The following COL6A3 variants were observed in gnomAD, a reference collection of about 807,000 sequenced individuals.
COL6A3 encodes the protein collagen type VI alpha 3 chain, also known as collagen alpha-3(VI) chain.
A neutral mutation model predicts 274.1 loss-of-function variants in COL6A3; 137 were observed. The ratio of observed to expected loss-of-function variants is 0.50; its 90% CI spans 0.44 to 0.58. The LOEUF (loss-of-function observed/expected upper bound fraction) is 0.58, where lower values mean the gene tolerates loss of function less well. Ranked by LOEUF, COL6A3 falls within the 20% of genes least tolerant of loss-of-function variation. The probability of loss-of-function intolerance (pLI) is 0.00; values close to 1 mark genes in which losing one functional copy is unlikely to be tolerated. For missense variants in COL6A3, 3,950 were observed against 4,124.9 expected, an observed-to-expected ratio of 0.96 and a Z score of 1.16; for synonymous variants, 1,650 against 1,650.6, an observed-to-expected ratio of 1.00 and a Z score of 0.01.
intron 4 of COL6A3, among the ~76,000 whole-genome samples, chr2:237,384,670 C>T (rs2078100352): frequency 6.6e-6 from 1 of 152,132 alleles, no homozygotes. Context: ...GAATGACTGT[C>T]TCATGGCTGT....
intron 1 of COL6A3, among the ~76,000 whole-genome samples, chr2:237,409,778 T>C (rs906854500): frequency 6.6e-6 from 1 of 152,206 alleles, no homozygotes; most frequent in Non-Finnish European, 1.5e-5. Context: ...ACCCTTACAG[T>C]TCTAAAATCC....
intron 24 of COL6A3, among the ~76,000 whole-genome samples, chr2:237,354,127 T>C (rs573949886): frequency 2.0e-5 from 3 of 151,806 alleles, no homozygotes; most frequent in East Asian, 1.9e-4. Context: ...TTCTCTTGCC[T>C]CAGGCTCCTG....
chr2:237,392,646 T>C (rs1251698175), intron 3 of COL6A3, among the ~76,000 whole-genome samples: 1 of 152,260 alleles, frequency 6.6e-6, no homozygotes, highest in Non-Finnish European at 1.5e-5. Context: ...TGCCCACTCA[T>C]TCTTTTTTGA....
At chr2:237,355,273 TGAAAAGGGA>T (rs2077294139) in intron 23 of COL6A3, 2 of 293,994 alleles carry the variant, frequency 6.8e-6, no homozygotes, top group African/African-American at 4.3e-5. Flanking sequence ...ATGAGGAATG[TGAAAAGGGA>T]ATGTCAACCT....
chr2:237,383,088 C>A (rs937136935), intron 4 of COL6A3, among the ~76,000 whole-genome samples: 2 of 152,174 alleles, frequency 1.3e-5, no homozygotes, highest in Admixed American at 1.3e-4. Flanking sequence ...GGTGAGCCAC[C>A]ACATCCAGCC....
At chr2:237,373,202 T>G (rs1010901852) in intron 8 of COL6A3, among the ~76,000 whole-genome samples, 1 of 152,008 alleles carries the variant, frequency 6.6e-6, no homozygotes, top group African/African-American at 2.4e-5. Context: ...GAAATGTACG[T>G]TCCTGACAAC....
intron 1 of COL6A3, among the ~76,000 whole-genome samples, chr2:237,399,554 G>A (rs2078537761): frequency 6.6e-6 from 1 of 152,210 alleles, no homozygotes; most frequent in Non-Finnish European, 1.5e-5. Context: ...GGCATTCCAT[G>A]AGCAACGCAG....
chr2:237,390,887 C>T (rs758958883), intron 3 of COL6A3, among the ~76,000 whole-genome samples: 1 of 152,198 alleles, frequency 6.6e-6, no homozygotes, highest in Non-Finnish European at 1.5e-5. Context: ...TTTTATATCT[C>T]AGGTATATTC....
intron 1 of COL6A3, among the ~76,000 whole-genome samples, chr2:237,410,035 A>C (rs1574785933): frequency 6.6e-6 from 1 of 152,216 alleles, no homozygotes; most frequent in Non-Finnish European, 1.5e-5. Context: ...ACGTATGTAC[A>C]CTTCCGTTAT....
In COL6A3 at chr2:237,381,446, G is replaced by T; in HGVS notation, c.1366C>A (p.Leu456Met). 6.2e-7 allele frequency: 1 copy of T among 1,610,032 alleles called. No homozygotes were observed. Among genetic ancestry groups the T allele is most frequent in the African/African-American group, 1.3e-5 (1 of 75,058 alleles). ...IVFLVDGSSALGLANFNAIRD... is the reference protein window; with the variant it reads ...IVFLVDGSSAMGLANFNAIRD... The stretch of plus-strand genomic sequence containing the variant: ...ATGGCATTGAAGTTGGCCAGTCCCA[G>T]TGCAGATGAGCCATCCACCAGGAAG... Residue 456 changes from leucine (L) to methionine (M), a missense_variant, in exon 5 of 44, where the codon CTG becomes ATG. Physicochemically the swap from Leu to Met is conservative, Grantham distance 15. Coordinates refer to ENST00000295550, the MANE Select transcript of COL6A3 (RefSeq NM_004369.4).
intron 42 of COL6A3, chr2:237,327,323 T>A (rs1699998621): frequency 6.6e-6 from 1 of 152,382 alleles, no homozygotes; most frequent in Admixed American, 6.5e-5. Context: ...TGCACTTCAG[T>A]CCTGACCATC....
Position 237,405,178 on chromosome 2 carries a change from C to A in COL6A3, c.-30-8331G>T, listed in dbSNP as rs181478037. 2.4e-3 allele frequency among the ~76,000 whole-genome samples: 371 copies of A among 152,260 alleles called. 27 individuals carry two copies. In the South Asian group the frequency reaches 0.075, roughly 31 times the overall value. On this transcript the variant is annotated intron_variant, in intron 1 of 43. Coordinates refer to ENST00000295550, the MANE Select transcript of COL6A3 (RefSeq NM_004369.4). ...ATGATTCAGAACCCATATGGTTTGA[C>A]TGAGCTGAATTCCCAGGTGGGAAAA...
chr2:237,356,828 T>A (rs2106338659), intron 23 of COL6A3: 1 of 185,814 alleles, frequency 5.4e-6, no homozygotes, highest in Non-Finnish European at 1.1e-5. Context: ...GGATTAGGCA[T>A]ACAAGGAGCT....
rs111395856 is a variant in COL6A3 at position 237,340,680 on chromosome 2, C to T, written c.8236G>A (p.Glu2746Lys). Residue 2746 changes from glutamate to lysine, a missense_variant, in exon 38 of 44, where the codon GAG becomes AAG. Around this residue, in one of 5 missense-constraint regions of COL6A3, gnomAD observed 1,284 missense variants for 1,349.7 expected, o/e 0.95. Coordinates refer to ENST00000295550, the MANE Select transcript of COL6A3 (RefSeq NM_004369.4). The part of the protein sequence containing the change: ...LKIVVLMLTG[E>K]VPEQQLEEAQ... ...TCCTCCAGCTGCTGCTCCGGCACCT[C>T]GCCCGTCAGCATCAGGACCACAATT... The T allele has an allele frequency of 1.7e-5, 27 of 1,614,094 alleles. No individual in the cohort carries two copies. Among genetic ancestry groups the T allele is most frequent in the East Asian group, 6.7e-5 (3 of 44,898 alleles).
chr2:237,358,996 A>C, intron 20 of COL6A3, 39 bp downstream of exon 20: 1 of 1,592,212 alleles, frequency 6.3e-7, no homozygotes, highest in Non-Finnish European at 8.6e-7. Flanking sequence ...AAATGTTGAT[A>C]TTCTTTCCAT....
chr2:237,353,693 G>A (rs548483249), intron 24 of COL6A3, among the ~76,000 whole-genome samples: 1 of 152,172 alleles, frequency 6.6e-6, no homozygotes, highest in Non-Finnish European at 1.5e-5. Context: ...GAGACACCGG[G>A]AAGTTGCGGG....
rs905569385 is a variant in COL6A3 at position 237,330,751 on chromosome 2, T to C, written c.9328+2699A>G. On this transcript the variant is annotated intron_variant, in intron 42 of 43. Transcript: ENST00000295550. ...GACTCACATTCCTGATAAACAAGCA[T>C]CTATTCAATGTGACTGTCAAAATGG... Among the ~76,000 whole-genome samples the C allele has an allele frequency of 2.0e-5, 3 of 152,334 alleles. No homozygotes were observed. The South Asian group carries it at 6.2e-4, about 32-fold the overall frequency.
In COL6A3 at chr2:237,395,076, T is replaced by C. The variant is rs1241538370; in HGVS notation, c.220A>G (p.Asn74Asp). 1 of 1,614,128 alleles carries C rather than the reference T, an allele frequency of 6.2e-7. No individual in the cohort carries two copies. Among genetic ancestry groups the C allele is most frequent in the South Asian group, 1.1e-5 (1 of 91,076 alleles). Residue 74 changes from asparagine (N) to aspartate (D), a missense_variant, in exon 3 of 44, where the codon AAT becomes GAT. Asn to Asp is a conservative substitution (Grantham distance 23). This residue lies in a region of COL6A3 where 1,934 missense variants were observed against 1,984.3 expected (regional missense o/e 0.97). Coordinates refer to ENST00000295550, the MANE Select transcript of COL6A3 (RefSeq NM_004369.4). ...TGGACCAGAGCAAAATGGAAATCATTTTCTCCCACAGCTAAGGATTTTACA... is the reference window on the plus strand; with the variant it reads ...TGGACCAGAGCAAAATGGAAATCATCTTCTCCCACAGCTAAGGATTTTACA... ...DVVKSLAVGE[N>D]DFHFALVQFN...
At chr2:237,346,379 C>T (rs1424886895) in intron 32 of COL6A3, 124 bp downstream of exon 32, 1 of 818,854 alleles carries the variant, frequency 1.2e-6, no homozygotes, top group Middle Eastern at 3.5e-4. Flanking sequence ...GGCGGTTTGA[C>T]AACCAAGCAA....
Sources: gnomAD v4.1 joint callset for allele counts (sites outside exome capture counted in the v4.1 genomes callset) on GRCh38, gnomAD v4.1.1 for gene constraint, gnomAD v4.1.1 regional missense constraint, MANE v1.5 for transcripts, NCBI Gene and HGNC (gene_info 2026-07-23, HGNC 2026-07-21) for gene names.